Variants in DMD observed in about 807,000 individuals in gnomAD.
DMD encodes mutant dystrophin.
A neutral mutation model predicts 330.1 loss-of-function variants in DMD; 63 were observed. That is an observed-to-expected ratio of 0.19 (90% CI 0.16 to 0.24). The LOEUF is 0.24. Ranked by LOEUF, DMD falls within the 10% of genes least tolerant of loss-of-function variation. The pLI is 1.00. For missense variants in DMD, 3,344 were observed against 2,684.1 expected (o/e 1.25, Z -5.43); for synonymous variants, 1,223 against 959.8 (o/e 1.27, Z -5.07).
chrX:32,364,282 T>G (rs112520545), intron 36 of DMD, among the ~76,000 whole-genome samples: 1 of 112,213 alleles, frequency 8.9e-6, no homozygotes, highest in African/African-American at 3.2e-5. Context: ...AGTACCACCA[T>G]TGACAAAGGC....
chrX:32,441,251 C>T lies in DMD; in HGVS notation c.3850G>A (p.Glu1284Lys), dbSNP rs1557359192. 1.7e-6 allele frequency: 2 copies of T among 1,208,965 alleles called. No individual in the cohort carries two copies. The highest frequency in any genetic ancestry group is 2.2e-6 in the Non-Finnish European group (2 of 893,207). Reference protein sequence around the residue: ...YLEKANKWLNEVEFKLKTTEN... With the variant: ...YLEKANKWLNKVEFKLKTTEN... Reference sequence around the variant, plus strand: ...GTGGTTTTAAGTTTAAATTCTACTTCATTTAGCCACTTGTTTGCTTTCTCC... The same window carrying T: ...GTGGTTTTAAGTTTAAATTCTACTTTATTTAGCCACTTGTTTGCTTTCTCC... The change falls in exon 28 of 79, where the codon GAA (glutamate) becomes AAA (lysine). Residue 1284 changes from glutamate (E) to lysine (K), a missense_variant. Glu to Lys is a moderately conservative substitution (Grantham distance 56, BLOSUM62 1). Transcript: ENST00000357033.
At chrX:32,339,320 G>A (rs965289803) in intron 41 of DMD, among the ~76,000 whole-genome samples, 2 of 112,001 alleles carry the variant, frequency 1.8e-5, no homozygotes, top group African/African-American at 3.2e-5. Flanking sequence ...TTTACAGTCC[G>A]TGCTTGGTCT....
intron 1 of DMD, among the ~76,000 whole-genome samples, chrX:33,135,601 T>A (rs1403544654): frequency 8.9e-6 from 1 of 111,886 alleles, no homozygotes; most frequent in Non-Finnish European, 1.9e-5. Flanking sequence ...TCCAAAACTA[T>A]GTGTATGCTA....
intron 1 of DMD, among the ~76,000 whole-genome samples, chrX:33,276,621 G>T (rs1047776821): frequency 8.9e-6 from 1 of 111,828 alleles, no homozygotes; most frequent in African/African-American, 3.2e-5. Flanking sequence ...TACTGGTATT[G>T]TAAGTAAAAA....
chrX:32,245,570 G>A (rs1302103915), intron 43 of DMD, among the ~76,000 whole-genome samples: 1,890 of 82,668 alleles, frequency 0.023, 51 homozygotes, highest in African/African-American at 0.071. Flanking sequence ...CCATTTTCAC[G>A]ATATTGATTC....
chrX:32,829,322 T>A (rs965464579), intron 4 of DMD, among the ~76,000 whole-genome samples: 6 of 111,893 alleles, frequency 5.4e-5, no homozygotes, highest in African/African-American at 1.9e-4. Flanking sequence ...TCTGAAGTAA[T>A]CAGTCTAATT....
intron 52 of DMD, among the ~76,000 whole-genome samples, chrX:31,699,401 C>T (rs2083653331): frequency 8.9e-6 from 1 of 112,310 alleles, no homozygotes; most frequent in African/African-American, 3.2e-5. Flanking sequence ...CCATACTGTT[C>T]CCCTGGATGG....
intron 41 of DMD, among the ~76,000 whole-genome samples, chrX:32,330,870 A>G (rs1336682783): frequency 8.9e-6 from 1 of 111,739 alleles, no homozygotes; most frequent in Admixed American, 9.6e-5. Flanking sequence ...CTGCATCCTC[A>G]CCATTATTGG....
intron 44 of DMD, among the ~76,000 whole-genome samples, chrX:32,013,501 G>C (rs1477112396): frequency 2.7e-5 from 3 of 112,090 alleles, no homozygotes; most frequent in Non-Finnish European, 5.6e-5. Context: ...TCTAATAGGT[G>C]TAAGTTCTTA....
chrX:32,683,490 G>T (rs2062591917), intron 9 of DMD, among the ~76,000 whole-genome samples: 1 of 108,839 alleles, frequency 9.2e-6, no homozygotes, highest in African/African-American at 3.4e-5. Flanking sequence ...CATGTCCTTT[G>T]TAGGGACATG....
At chrX:31,632,481 T>C (rs771290726) in intron 54 of DMD, among the ~76,000 whole-genome samples, 1 of 112,145 alleles carries the variant, frequency 8.9e-6, no homozygotes, top group South Asian at 3.7e-4. Flanking sequence ...GAACTCAGTC[T>C]TCTGCTAAAT....
At chrX:31,156,366 T>A (rs767409183) in intron 74 of DMD, among the ~76,000 whole-genome samples, 50 of 112,217 alleles carry the variant, frequency 4.5e-4, no homozygotes, top group Non-Finnish European at 8.1e-4. Context: ...AAAACAGATG[T>A]CAAAGAACGT....
chrX:32,852,628 T>C (rs748833657), intron 2 of DMD, among the ~76,000 whole-genome samples: 2 of 106,819 alleles, frequency 1.9e-5, no homozygotes, highest in South Asian at 8.2e-4. Flanking sequence ...GGATGGCATT[T>C]CTGGACTCAC....
rs768909499 is a variant in DMD at position 33,142,397 on chromosome X, T to C, written c.31+68885A>G. Among the ~76,000 whole-genome samples, 3 of 113,208 alleles carry C rather than the reference T, an allele frequency of 2.6e-5. No homozygotes were observed. In the South Asian group the frequency reaches 1.1e-3, roughly 40 times the overall value. ...GCTGTGCCCGGCGAGGCTTTTAAAT[T>C]GGTGAAAATGCCAACCATTCAATTT... is the stretch of plus-strand genomic sequence containing the variant. On this transcript the variant is annotated intron_variant, in intron 1 of 78. Coordinates refer to ENST00000357033, the MANE Select transcript of DMD (RefSeq NM_004006.3).
chrX:32,335,465 A>G (rs2097701380), intron 41 of DMD, among the ~76,000 whole-genome samples: 1 of 103,784 alleles, frequency 9.6e-6, no homozygotes, highest in Non-Finnish European at 1.9e-5. Flanking sequence ...ATACATGTAT[A>G]TATAACATGT....
intron 19 of DMD, 36 bp downstream of exon 19, chrX:32,501,719 C>T (rs772366730): frequency 2.8e-6 from 3 of 1,056,553 alleles, no homozygotes; most frequent in South Asian, 3.8e-5. Context: ...TTATCAAATC[C>T]CTAAGAAGAT....
intron 43 of DMD, among the ~76,000 whole-genome samples, chrX:32,270,556 A>G (rs2097361557): frequency 1.8e-5 from 2 of 112,138 alleles, no homozygotes; most frequent in African/African-American, 3.2e-5. Flanking sequence ...CTAACTGCCA[A>G]GTGTATTTCT....
At chrX:31,540,637 C>T (rs906839673) in intron 55 of DMD, among the ~76,000 whole-genome samples, 1 of 111,811 alleles carries the variant, frequency 8.9e-6, no homozygotes, top group Non-Finnish European at 1.9e-5. Flanking sequence ...AATTGTGAAA[C>T]AACCTAAATG....
At chrX:31,531,329 C>T (rs1420267177) in intron 55 of DMD, among the ~76,000 whole-genome samples, 1 of 58,087 alleles carries the variant, frequency 1.7e-5, no homozygotes, top group Non-Finnish European at 3.0e-5. Flanking sequence ...ACATCCTCTC[C>T]AGCACCTGTT....
Sources: gnomAD v4.1 joint callset for allele counts (sites outside exome capture counted in the v4.1 genomes callset) on GRCh38, gnomAD v4.1.1 for gene constraint, MANE v1.5 for transcripts, NCBI Gene and HGNC (gene_info 2026-07-23, HGNC 2026-07-21) for gene names.